The following TARS3 variants were observed in gnomAD, a reference collection of about 807,000 sequenced individuals.
TARS3 encodes threonine--tRNA ligase 2, cytoplasmic.
TARS3 carries 94 observed loss-of-function variants against 103.5 expected under a neutral mutation model. The ratio of observed to expected loss-of-function variants is 0.91; its 90% CI spans 0.77 to 1.08. The LOEUF (loss-of-function observed/expected upper bound fraction) is 1.08. Among genes scored for constraint, TARS3 ranks in the 50% least tolerant of loss-of-function variants. TARS3 has a pLI of 0.00. For missense variants in TARS3, 952 were observed against 995.2 expected, an observed-to-expected ratio of 0.96 and a Z score of 0.58; for synonymous variants, 416 against 355.4, an observed-to-expected ratio of 1.17 and a Z score of -1.92.
At chr15:101,722,968 A>T (rs747803238) in intron 2 of TARS3, 125 bp downstream of exon 2, 13 of 893,426 alleles carry the variant, frequency 1.5e-5, no homozygotes, top group African/African-American at 6.8e-5. Context: ...AGTTTTAAAT[A>T]CACTAATGTG....
chr15:101,714,987 G>T (rs1282185486), intron 3 of TARS3, 24 bp from the exon 4 acceptor site: 3 of 1,595,088 alleles, frequency 1.9e-6, no homozygotes, highest in Non-Finnish European at 2.6e-6. Flanking sequence ...AGCCACTTGG[G>T]AGTTAACTTT....
At chr15:101,713,130 GAC>G (rs1336643402) in intron 4 of TARS3, among the ~76,000 whole-genome samples, 2 of 152,236 alleles carry the variant, frequency 1.3e-5, no homozygotes. Context: ...TATTGGCGAA[GAC>G]ACAGGCAATA....
chr15:101,722,127 G>A (rs893862419), intron 2 of TARS3, among the ~76,000 whole-genome samples: 2 of 151,850 alleles, frequency 1.3e-5, no homozygotes, highest in African/African-American at 4.8e-5. Flanking sequence ...ACCTCCAAAA[G>A]GCTCCTCTCT....
At chr15:101,682,868 TTG>T (rs925465690) in intron 12 of TARS3, among the ~76,000 whole-genome samples, 1 of 152,194 alleles carries the variant, frequency 6.6e-6, no homozygotes, top group African/African-American at 2.4e-5. Flanking sequence ...TTTAATAGTT[TTG>T]TCTTTCAAAG....
chr15:101,713,186 A>C (rs554309635), intron 4 of TARS3, among the ~76,000 whole-genome samples: 39 of 152,340 alleles, frequency 2.6e-4, no homozygotes, highest in South Asian at 4.1e-4. Context: ...AAGGGTGTTT[A>C]AAAGGAGATG....
chr15:101,666,408 G>A (rs1443073654), intron 15 of TARS3, among the ~76,000 whole-genome samples: 2 of 149,570 alleles, frequency 1.3e-5, no homozygotes, highest in African/African-American at 4.9e-5. Context: ...CCCAGGAGGC[G>A]GAGGTTTCAG....
At chr15:101,699,481 T>C (rs1344250200) in intron 10 of TARS3, 3 of 455,912 alleles carry the variant, frequency 6.6e-6, no homozygotes, top group South Asian at 1.5e-5. Context: ...AAAGGCTTTC[T>C]GTTCATTCTC....
Position 101,724,445 on chromosome 15 carries a change from A to G in TARS3, c.-58T>C. Reference sequence around the variant, plus strand: ...GGTGCCCGCGACTGCGGCGAGGGCGACGCGGACACTCAGCGCACGGCAGAA... The same window carrying G: ...GGTGCCCGCGACTGCGGCGAGGGCGGCGCGGACACTCAGCGCACGGCAGAA... On this transcript the variant is annotated 5_prime_UTR_variant, in exon 1 of 19. Transcript: ENST00000335968. 7.4e-7 allele frequency: 1 copy of G among 1,352,016 alleles called. No individual in the cohort carries two copies. 83.8% of individuals were successfully genotyped at this position (1,352,016 alleles called of 1,614,324 possible). A position where few individuals can be genotyped will look rare whatever the true frequency, so the allele number is the denominator to read the frequency against.
At chr15:101,660,006 A>G (rs1897318538) in intron 16 of TARS3, among the ~76,000 whole-genome samples, 1 of 152,178 alleles carries the variant, frequency 6.6e-6, no homozygotes. Context: ...GGTTCTGCTA[A>G]TGTATAAACA....
Position 101,724,373 on chromosome 15 carries a change from G to A in TARS3, c.15C>T (p.Ala5=), listed in dbSNP as rs1567365620. 13 of 1,515,496 alleles carry A rather than the reference G, an allele frequency of 8.6e-6. No individual in the cohort carries two copies. The South Asian group carries it at 8.6e-5, about 10-fold the overall frequency. The allele number at this position is 1,515,496 out of a possible 1,614,324, so 93.9% of individuals were successfully genotyped here. The change falls in exon 1 of 19, where the codon GCC becomes GCT. Residue 5 remains alanine, a synonymous_variant. Coordinates refer to ENST00000335968, the MANE Select transcript of TARS3 (RefSeq NM_152334.3). The part of the protein sequence containing the change: MAAE[A]LAAEAVASRL... The stretch of plus-strand genomic sequence containing the variant: ...GCGACGCCACGGCCTCCGCCGCCAG[G>A]GCCTCGGCCGCCATCGCGGCCTCCC...
In TARS3 at chr15:101,724,202, G is replaced by A. The variant is rs1301076136; in HGVS notation, c.186C>T (p.Cys62=). The A allele has an allele frequency of 3.3e-6, 5 of 1,525,660 alleles. No homozygotes were observed. Among genetic ancestry groups the A allele is most frequent in the Middle Eastern group, 1.8e-4 (1 of 5,624 alleles). The allele number at this position is 1,525,660 out of a possible 1,614,324, so 94.5% of individuals were successfully genotyped here. ...REVAQLRAEN[C]DLRHRLCSLR... ...GGCTGCACAGGCGGTGGCGCAGGTCGCAGTTCTCGGCCCGGAGCTGCGCCA... is the reference window on the plus strand; with the variant it reads ...GGCTGCACAGGCGGTGGCGCAGGTCACAGTTCTCGGCCCGGAGCTGCGCCA... The change falls in exon 1 of 19, where the codon TGC becomes TGT. Residue 62 remains cysteine (C), a synonymous_variant. Transcript: ENST00000335968.
rs559845984 is a variant in TARS3 at position 101,682,683 on chromosome 15, A to G, written c.1650+1392T>C. Among the ~76,000 whole-genome samples, 6 of 152,088 alleles carry G rather than the reference A, an allele frequency of 3.9e-5. No individual in the cohort carries two copies. The South Asian group carries it at 1.2e-3, about 32-fold the overall frequency. On this transcript the variant is annotated intron_variant, in intron 12 of 18. Transcript: ENST00000335968. The stretch of plus-strand genomic sequence containing the variant: ...GGTGGTGAAGATTTCCTCCTCTTCA[A>G]TTTTCTGGAAGAGTATCTCTAGATT...
At chr15:101,660,694 C>T (rs1240865411) in intron 16 of TARS3, among the ~76,000 whole-genome samples, 5 of 152,206 alleles carry the variant, frequency 3.3e-5, no homozygotes, top group African/African-American at 1.2e-4. Flanking sequence ...CACAATTAAT[C>T]ACTGACTGAT....
Position 101,657,864 on chromosome 15 carries a change from A to AT in TARS3, c.2073-8_2073-7insA. 1 of 1,546,134 alleles carries AT rather than the reference A, an allele frequency of 6.5e-7. No individual in the cohort carries two copies. The highest frequency in any genetic ancestry group is 8.8e-7 in the Non-Finnish European group (1 of 1,134,014). ...AGGAGATAGCCAGAAAGGCCTGAAAAATATATATAAAATATGTATTTTCAA... is the reference window on the plus strand; with the variant it reads ...AGGAGATAGCCAGAAAGGCCTGAAAATATATATATAAAATATGTATTTTCAA... On this transcript the variant is annotated splice_polypyrimidine_tract_variant and splice_region_variant and intron_variant, in intron 16 of 18. Coordinates refer to ENST00000335968, the MANE Select transcript of TARS3 (RefSeq NM_152334.3).
In TARS3 at chr15:101,655,059, C is replaced by T. The variant is rs112775981; in HGVS notation, c.2261-329G>A. On this transcript the variant is annotated intron_variant, in intron 18 of 18. Transcript: ENST00000335968. ...CTCTTACAGGCTCACAGTGACCCCACCTGGCACTAGGGCGCAAATGAGAGC... is the reference window on the plus strand; with the variant it reads ...CTCTTACAGGCTCACAGTGACCCCATCTGGCACTAGGGCGCAAATGAGAGC... 4.0e-5 allele frequency among the ~76,000 whole-genome samples: 6 copies of T among 150,948 alleles called. No homozygotes were observed. The South Asian group carries it at 1.3e-3, about 32-fold the overall frequency.
intron 12 of TARS3, among the ~76,000 whole-genome samples, chr15:101,683,491 C>T (rs1361924719): frequency 6.6e-6 from 1 of 152,122 alleles, no homozygotes; most frequent in Non-Finnish European, 1.5e-5. Context: ...ATTCTACGTG[C>T]AATTTCAAAG....
chr15:101,695,138 A>T (rs1898907711), intron 10 of TARS3, among the ~76,000 whole-genome samples: 1 of 152,186 alleles, frequency 6.6e-6, no homozygotes, highest in Non-Finnish European at 1.5e-5. Flanking sequence ...CACGCCATAA[A>T]ATTCACCAAT....
chr15:101,705,695 G>T lies in TARS3; in HGVS notation c.983C>A (p.Thr328Asn), dbSNP rs765567400. 1.2e-6 allele frequency: 2 copies of T among 1,611,022 alleles called. No homozygotes were observed. The highest frequency in any genetic ancestry group is 2.2e-5 in the South Asian group (2 of 90,392). The change falls in exon 7 of 19, where the codon ACC (threonine) becomes AAC (asparagine). Residue 328 changes from threonine (T) to asparagine (N), a missense_variant. Thr to Asn is a moderately conservative substitution (Grantham distance 65). Around this residue, in one of 2 missense-constraint regions of TARS3, gnomAD observed 540 missense variants for 631.0 expected, o/e 0.86. Transcript: ENST00000335968. ...TGTGGACACAAACCTGTACACGGTG[G>T]TAGTTGCAGTGTTAACTTTCTCATT... ...ILNEKVNTAT[T>N]TVYRCGPLID...
Position 101,653,736 on chromosome 15 carries a change from C to T in TARS3, c.*846G>A. ...ACAGCATATCGCAAAATAAACAATA[C>T]TTCTTGTTTGGTAGCTGAATTCTCT... is the stretch of plus-strand genomic sequence containing the variant. On this transcript the variant is annotated 3_prime_UTR_variant, in exon 19 of 19. Coordinates refer to ENST00000335968, the MANE Select transcript of TARS3 (RefSeq NM_152334.3). 1 of 152,204 alleles carries T rather than the reference C, an allele frequency of 6.6e-6. No individual in the cohort carries two copies. The highest frequency in any genetic ancestry group is 1.9e-4 in the East Asian group (1 of 5,202). 9.4% of individuals were successfully genotyped at this position (152,204 alleles called of 1,614,324 possible). A position where few individuals can be genotyped will look rare whatever the true frequency, so the allele number is the denominator to read the frequency against.
Sources: gnomAD v4.1 joint callset for allele counts (sites outside exome capture counted in the v4.1 genomes callset) on GRCh38, gnomAD v4.1.1 for gene constraint, gnomAD v4.1.1 regional missense constraint, MANE v1.5 for transcripts, NCBI Gene and HGNC (gene_info 2026-07-23, HGNC 2026-07-21) for gene names.